CACNA1G: variants seen among roughly 807,000 people sequenced by gnomAD.
CACNA1G encodes the protein calcium voltage-gated channel subunit alpha1 G.
Under a neutral mutation model 219.4 loss-of-function variants are expected in CACNA1G, and 67 were observed. That is an observed-to-expected ratio of 0.31 (90% CI 0.25 to 0.37). The LOEUF (loss-of-function observed/expected upper bound fraction) is 0.37. Among genes scored for constraint, CACNA1G ranks in the 10% least tolerant of loss-of-function variants. The probability of loss-of-function intolerance (pLI) is 1.00; values close to 1 mark genes in which losing one functional copy is unlikely to be tolerated. For missense variants in CACNA1G, 2,380 were observed against 3,231.4 expected (o/e 0.74, Z 6.39); for synonymous variants, 1,296 against 1,345.3 (o/e 0.96, Z 0.80).
At chr17:50,595,083 G>A (rs1297012919) in intron 14 of CACNA1G, 22 bp downstream of exon 14, 11 of 1,545,534 alleles carry the variant, frequency 7.1e-6, no homozygotes, top group African/African-American at 1.4e-5. Context: ...ATCATGAGCC[G>A]GCATGCCTCC....
chr17:50,594,552 A>C (rs1246457569), intron 13 of CACNA1G, among the ~76,000 whole-genome samples: 2 of 151,920 alleles, frequency 1.3e-5, no homozygotes, highest in Non-Finnish European at 2.9e-5. Flanking sequence ...GCCCAGATCC[A>C]CCTCTTACTC....
intron 13 of CACNA1G, among the ~76,000 whole-genome samples, chr17:50,594,145 G>C (rs953927127): frequency 2.0e-5 from 3 of 152,352 alleles, no homozygotes; most frequent in African/African-American, 7.2e-5. Context: ...CTTGCCAAGA[G>C]CTAGGAGGGG....
chr17:50,620,487 T>C (rs1203038208), intron 34 of CACNA1G, among the ~76,000 whole-genome samples: 1 of 152,240 alleles, frequency 6.6e-6, no homozygotes, highest in Admixed American at 6.5e-5. Context: ...CAGTCCCATT[T>C]AATTCCAGGT....
chr17:50,610,969 A>C (rs1376448897), intron 26 of CACNA1G, among the ~76,000 whole-genome samples: 2 of 152,162 alleles, frequency 1.3e-5, no homozygotes, highest in Non-Finnish European at 2.9e-5. Flanking sequence ...TGGAAAGAAC[A>C]TAAGGGCCGG....
chr17:50,605,946 A>G lies in CACNA1G; in HGVS notation c.4345A>G (p.Ile1449Val). The part of the protein sequence containing the change: ...FVCQGEDTRN[I>V]TNKSDCAEAS... ...GTGCCAGGGCGAGGATACCAGGAAC[A>G]TCACCAATAAATCGGACTGTGCCGA... The change falls in exon 23 of 38, where the codon ATC (isoleucine) becomes GTC (valine). Residue 1449 changes from isoleucine (I) to valine (V), a missense_variant. Physicochemically the swap from Ile to Val is conservative, Grantham distance 29. Transcript: ENST00000359106. The G allele has an allele frequency of 1.9e-6, 3 of 1,613,728 alleles. No homozygotes were observed. The highest frequency in any genetic ancestry group is 2.5e-6 in the Non-Finnish European group (3 of 1,179,876).
intron 13 of CACNA1G, among the ~76,000 whole-genome samples, chr17:50,593,659 G>C (rs971715780): frequency 6.6e-6 from 1 of 152,226 alleles, no homozygotes; most frequent in African/African-American, 2.4e-5. Context: ...GCTCAACAAG[G>C]CCCACGCAGC....
chr17:50,625,262 C>T (rs1014411897), intron 37 of CACNA1G, among the ~76,000 whole-genome samples: 1 of 152,234 alleles, frequency 6.6e-6, no homozygotes, highest in Non-Finnish European at 1.5e-5. Flanking sequence ...CCAGAGCCCA[C>T]CTGTGATAAG....
At chr17:50,608,871 C>T (rs551347440) in intron 25 of CACNA1G, among the ~76,000 whole-genome samples, 14 of 152,294 alleles carry the variant, frequency 9.2e-5, no homozygotes, top group African/African-American at 3.4e-4. Flanking sequence ...GGCTCCAGGG[C>T]TCCCATCTGC....
Position 50,572,589 on chromosome 17 carries a change from C to T in CACNA1G, c.782C>T (p.Thr261Ile). The part of the protein sequence containing the change: ...LSVDLERYYQ[T>I]ENEDESPFIC... ...GTGGACCTGGAGCGCTATTACCAGA[C>T]AGAGAACGAGGATGAGAGCCCCTTC... Residue 261 changes from threonine to isoleucine, a missense_variant, in exon 6 of 38, where the codon ACA becomes ATA. Thr to Ile is a moderately conservative substitution (Grantham distance 89, BLOSUM62 -1). Around this residue, in one of 17 missense-constraint regions of CACNA1G, gnomAD observed 68 missense variants for 85.3 expected, o/e 0.80. Coordinates refer to ENST00000359106, the MANE Select transcript of CACNA1G (RefSeq NM_018896.5). The T allele has an allele frequency of 6.3e-7, 1 of 1,580,398 alleles. No individual in the cohort carries two copies. The highest frequency in any genetic ancestry group is 8.6e-7 in the Non-Finnish European group (1 of 1,163,442).
intron 17 of CACNA1G, 49 bp downstream of exon 17, chr17:50,599,908 G>T (rs1356900299): frequency 6.4e-7 from 1 of 1,556,918 alleles, no homozygotes; most frequent in Non-Finnish European, 8.7e-7. Context: ...CCTTGAAAGA[G>T]GGGAGGTGTG....
intron 6 of CACNA1G, 73 bp downstream of exon 6, chr17:50,572,927 G>A (rs531930844): frequency 4.6e-5 from 72 of 1,574,990 alleles, no homozygotes; most frequent in Admixed American, 2.6e-4. Flanking sequence ...CGGAGTGGTC[G>A]CTCTCAGGGT....
intron 9 of CACNA1G, among the ~76,000 whole-genome samples, chr17:50,581,034 A>G (rs576375368): frequency 6.7e-6 from 1 of 150,180 alleles, no homozygotes; most frequent in African/African-American, 2.5e-5. Context: ...GGGAATGGGG[A>G]CACAGAGGGA....
At position 50,596,146 on chromosome 17, in the gene CACNA1G, G is replaced by A. The variant is rs1248192274; in HGVS notation, c.2980-416G>A. Among the ~76,000 whole-genome samples the A allele has an allele frequency of 6.6e-6, 1 of 152,124 alleles. No homozygotes were observed. The highest frequency in any genetic ancestry group is 1.5e-5 in the Non-Finnish European group (1 of 68,006). ...CGAGTCTGAGGCTCAGGGGAGGGGA[G>A]CCGTGGAGAGAAAGCAAAGGGCCTC... On this transcript the variant is annotated intron_variant, in intron 14 of 37. Coordinates refer to ENST00000359106, the MANE Select transcript of CACNA1G (RefSeq NM_018896.5). This position sits in a 1 kb window ranked among gnomAD's most constrained non-coding sequence, Gnocchi z 4.8.
Position 50,603,671 on chromosome 17 carries a change from C to G in CACNA1G, c.4169+472C>G, listed in dbSNP as rs1360767797. Among the ~76,000 whole-genome samples the G allele has an allele frequency of 6.6e-6, 1 of 151,724 alleles. No homozygotes were observed. The highest frequency in any genetic ancestry group is 2.4e-5 in the African/African-American group (1 of 41,248). On this transcript the variant is annotated intron_variant, in intron 21 of 37. Coordinates refer to ENST00000359106, the MANE Select transcript of CACNA1G (RefSeq NM_018896.5). This position sits in a 1 kb window ranked among gnomAD's most constrained non-coding sequence, Gnocchi z 6.4. Reference sequence around the variant, plus strand: ...TCTCCTGACCAGGGATCCACCCTCTCAGGAATCCCTTTCCAATCAGCCAGT... The same window carrying G: ...TCTCCTGACCAGGGATCCACCCTCTGAGGAATCCCTTTCCAATCAGCCAGT...
chr17:50,565,469 C>A (rs1353299705), intron 1 of CACNA1G, among the ~76,000 whole-genome samples: 1 of 151,994 alleles, frequency 6.6e-6, no homozygotes, highest in Non-Finnish European at 1.5e-5. Context: ...TAGGGGTTGC[C>A]GAATCCGATA....
At chr17:50,590,710 G>A (rs2044112854) in intron 10 of CACNA1G, 88 bp downstream of exon 10, 1 of 1,315,486 alleles carries the variant, frequency 7.6e-7, no homozygotes, top group Non-Finnish European at 1.1e-6. Flanking sequence ...TATTCCCCTG[G>A]GGTGGAGGGG....
At chr17:50,607,362 C>T (rs1362724738) in intron 24 of CACNA1G, 3 of 362,700 alleles carry the variant, frequency 8.3e-6, no homozygotes, top group Non-Finnish European at 1.6e-5. Context: ...AACAATTAGC[C>T]GGGTGTGGTG....
chr17:50,619,390 C>A (rs2051236652), intron 33 of CACNA1G, among the ~76,000 whole-genome samples: 1 of 152,120 alleles, frequency 6.6e-6, no homozygotes, highest in African/African-American at 2.4e-5. Flanking sequence ...TCTCTCCATC[C>A]TTTTATCTTC....
At position 50,605,182 on chromosome 17, in the gene CACNA1G, G is replaced by T. The variant is rs4794169; in HGVS notation, c.4297-716G>T. On this transcript the variant is annotated intron_variant, in intron 22 of 37. Transcript: ENST00000359106. ...AAGCATTGTTGAGCCCAGTCCTTCC[G>T]GTGGATTTAGGTCTGTTTTGAGCAG... 2.5e-4 allele frequency among the ~76,000 whole-genome samples: 38 copies of T among 152,220 alleles called. 1 individual carries two copies. The South Asian group carries it at 5.6e-3, about 22-fold the overall frequency.
Sources: allele counts gnomAD v4.1 joint callset (sites outside exome capture counted in the v4.1 genomes callset), GRCh38; gene constraint gnomAD v4.1.1; regional missense constraint gnomAD v4.1.1; non-coding constraint Gnocchi (gnomAD v3.1); transcripts MANE v1.5; gene names NCBI Gene and HGNC (gene_info 2026-07-23, HGNC 2026-07-21).